Variants in PRKCG observed in about 807,000 individuals in gnomAD.
PRKCG encodes the protein protein kinase C gamma.
In PRKCG, 28 loss-of-function variants were observed where a neutral mutation model predicts 82.0. The ratio of observed to expected loss-of-function variants is 0.34; its 90% CI spans 0.25 to 0.47. The LOEUF is 0.47. Among genes scored for constraint, PRKCG ranks in the 20% least tolerant of loss-of-function variants. PRKCG has a pLI of 1.00. For missense variants in PRKCG, 640 were observed against 952.7 expected (o/e 0.67, Z 4.32); for synonymous variants, 383 against 376.6 (o/e 1.02, Z -0.20).
chr19:53,906,918 T>A lies in PRKCG; in HGVS notation c.*23T>A, dbSNP rs2068817571. On this transcript the variant is annotated 3_prime_UTR_variant, in exon 18 of 18. Transcript: ENST00000263431. The stretch of plus-strand genomic sequence containing the variant: ...TAATCTCACCCGCCGCCACTAGGTG[T>A]CCCCAACGTCCCCTCCGCCGTGCCG... The A allele has an allele frequency of 1.9e-6, 3 of 1,612,872 alleles. No homozygotes were observed. Among genetic ancestry groups the A allele is most frequent in the African/African-American group, 1.3e-5 (1 of 74,856 alleles).
intron 9 of PRKCG, among the ~76,000 whole-genome samples, chr19:53,894,499 A>T (rs1184851358): frequency 6.8e-6 from 1 of 146,076 alleles, no homozygotes; most frequent in African/African-American, 2.5e-5. Context: ...TCCTTTTGTC[A>T]CCCAGGTTGG....
At position 53,899,179 on chromosome 19, in the gene PRKCG, C is replaced by T. The variant is rs564871045; in HGVS notation, c.1281+551C>T. 7.3e-5 allele frequency among the ~76,000 whole-genome samples: 11 copies of T among 151,068 alleles called. No individual in the cohort carries two copies. In the East Asian group the frequency reaches 2.2e-3, roughly 30 times the overall value. ...GCGGTGAGTTCCTCGGTGGCATGGC[C>T]TGGCCAGGTGAATGGGTCCTGCGGA... is the stretch of plus-strand genomic sequence containing the variant. On this transcript the variant is annotated intron_variant, in intron 11 of 17. Coordinates refer to ENST00000263431, the MANE Select transcript of PRKCG (RefSeq NM_002739.5).
chr19:53,907,324 C>T lies in PRKCG; in HGVS notation c.*429C>T. Reference sequence around the variant, plus strand: ...GAACAGCCCTCGGCCTCCGAGGCTCCCCGCCTCCACTCTAGTTCTAGATGA... The same window carrying T: ...GAACAGCCCTCGGCCTCCGAGGCTCTCCGCCTCCACTCTAGTTCTAGATGA... On this transcript the variant is annotated 3_prime_UTR_variant, in exon 18 of 18. Coordinates refer to ENST00000263431, the MANE Select transcript of PRKCG (RefSeq NM_002739.5). 3.7e-6 allele frequency: 1 copy of T among 269,012 alleles called. No homozygotes were observed. Among genetic ancestry groups the T allele is most frequent in the South Asian group, 4.1e-5 (1 of 24,500 alleles). The allele number at this position is 269,012 out of a possible 1,614,324, so 16.7% of individuals were successfully genotyped here. A position where few individuals can be genotyped will look rare whatever the true frequency, so the allele number is the denominator to read the frequency against.
At chr19:53,901,667 T>C (rs1267755916) in intron 14 of PRKCG, among the ~76,000 whole-genome samples, 1 of 147,448 alleles carries the variant, frequency 6.8e-6, no homozygotes, top group Non-Finnish European at 1.5e-5. Flanking sequence ...CTGACTAACA[T>C]GGTGAAACTC....
intron 10 of PRKCG, 145 bp from the exon 11 acceptor site, chr19:53,898,294 GA>G: frequency 7.5e-7 from 1 of 1,327,020 alleles, no homozygotes. Flanking sequence ...TCCTTGAGGG[GA>G]CGGGCGGCAA....
Position 53,884,014 on chromosome 19 carries a change from C to T in PRKCG, c.203-147C>T, listed in dbSNP as rs2068613163. On this transcript the variant is annotated intron_variant, in intron 2 of 17. Transcript: ENST00000263431. This position sits in a 1 kb window ranked among gnomAD's most constrained non-coding sequence, Gnocchi z 4.6. ...CTCTCTCTGGCCTCCGATTTTCTCT[C>T]TGTTGGACTCTCTGTGTTGAGATCC... is the stretch of plus-strand genomic sequence containing the variant. 4 of 780,786 alleles carry T rather than the reference C, an allele frequency of 5.1e-6. No individual in the cohort carries two copies. The highest frequency in any genetic ancestry group is 8.8e-6 in the Non-Finnish European group (4 of 456,494). 48.4% of individuals were successfully genotyped at this position (780,786 alleles called of 1,614,324 possible). A position where few individuals can be genotyped will look rare whatever the true frequency, so the allele number is the denominator to read the frequency against.
At chr19:53,898,828 G>A (rs1477021143) in intron 11 of PRKCG, among the ~76,000 whole-genome samples, 200 bp downstream of exon 11, 1 of 123,656 alleles carries the variant, frequency 8.1e-6, no homozygotes, top group Non-Finnish European at 1.7e-5. Flanking sequence ...GGACTCATCG[G>A]GGGGCGTGGC....
At chr19:53,902,904 A>AC (rs1249802712) in intron 14 of PRKCG, among the ~76,000 whole-genome samples, 169 bp from the exon 15 acceptor site, 2 of 151,218 alleles carry the variant, frequency 1.3e-5, no homozygotes, top group East Asian at 1.9e-4. Flanking sequence ...AAAAAAAAAA[A>AC]AAAAAAAAAA....
Position 53,889,632 on chromosome 19 carries a change from C to T in PRKCG, c.286-6C>T. 2.5e-6 allele frequency: 4 copies of T among 1,613,550 alleles called. No individual in the cohort carries two copies. Among genetic ancestry groups the T allele is most frequent in the Non-Finnish European group, 3.4e-6 (4 of 1,179,538 alleles). ...CGCCCCCTAAGCCAGTCTTCTCTGC[C>T]CCCAGGACCCCCGGAACAAACACAA... On this transcript the variant is annotated splice_polypyrimidine_tract_variant and splice_region_variant and intron_variant, in intron 3 of 17. Transcript: ENST00000263431. The surrounding 1 kb of genome is among the most constrained non-coding windows in gnomAD (Gnocchi z 4.4).
Position 53,892,457 on chromosome 19 carries a change from G to A in PRKCG, c.687-52G>A, listed in dbSNP as rs112178319. 37 of 1,589,258 alleles carry A rather than the reference G, an allele frequency of 2.3e-5. No individual in the cohort carries two copies. The highest frequency in any genetic ancestry group is 1.7e-4 in the Middle Eastern group (1 of 5,960). Reference sequence around the variant, plus strand: ...CCTCCAGCACCAAGGATGGGGAACCGAGGGGAGCCATGAGCTCGGCTCTGC... The same window carrying A: ...CCTCCAGCACCAAGGATGGGGAACCAAGGGGAGCCATGAGCTCGGCTCTGC... On this transcript the variant is annotated intron_variant, in intron 6 of 17. Transcript: ENST00000263431. This position sits in a 1 kb window ranked among gnomAD's most constrained non-coding sequence, Gnocchi z 5.9.
At chr19:53,901,710 C>T (rs1238634023) in intron 14 of PRKCG, among the ~76,000 whole-genome samples, 4 of 150,554 alleles carry the variant, frequency 2.7e-5, no homozygotes, top group African/African-American at 7.3e-5. Context: ...ATTAGCCAGG[C>T]GTGGTGGCGG....
At chr19:53,905,692 C>T (rs955412070) in intron 16 of PRKCG, among the ~76,000 whole-genome samples, 2 of 134,318 alleles carry the variant, frequency 1.5e-5, no homozygotes, top group African/African-American at 2.9e-5. Context: ...CCTTCCCTCC[C>T]TCCCCCTACC....
upstream of PRKCG, among the ~76,000 whole-genome samples, chr19:53,881,118 A>AC (rs2068585209): frequency 5.5e-5 from 6 of 108,624 alleles, no homozygotes; most frequent in South Asian, 4.1e-4. Context: ...CAGGAGAGAG[A>AC]CCCCCCTAGC....
In PRKCG at chr19:53,903,062, A is replaced by C. The variant is rs1199584369; in HGVS notation, c.1576-11A>C. The C allele has an allele frequency of 1.2e-6, 2 of 1,610,648 alleles. No individual in the cohort carries two copies. Among genetic ancestry groups the C allele is most frequent in the African/African-American group, 2.7e-5 (2 of 74,814 alleles). On this transcript the variant is annotated splice_polypyrimidine_tract_variant and intron_variant, in intron 14 of 17. Coordinates refer to ENST00000263431, the MANE Select transcript of PRKCG (RefSeq NM_002739.5). ...AACGCATCATGATTCCCTGCCTTCC[A>C]CCTCCCCTAGATCATTGCCTACCAG... is the stretch of plus-strand genomic sequence containing the variant.
Position 53,900,444 on chromosome 19 carries a change from G to A in PRKCG, c.1399G>A (p.Gly467Ser), listed in dbSNP as rs1044351933. ...GTTCTACGCGGCAGAAATCGCTATC[G>A]GCCTCTTCTTCCTTCACAATCAGGG... is the stretch of plus-strand genomic sequence containing the variant. ...AAFYAAEIAI[G>S]LFFLHNQGII... Residue 467 changes from glycine (G) to serine (S), a missense_variant, in exon 13 of 18, where the codon GGC becomes AGC. This residue lies in a region of PRKCG where 78 missense variants were observed against 105.6 expected (regional missense o/e 0.74). Coordinates refer to ENST00000263431, the MANE Select transcript of PRKCG (RefSeq NM_002739.5). This position sits in a 1 kb window ranked among gnomAD's most constrained non-coding sequence, Gnocchi z 4.2. 13 of 1,614,104 alleles carry A rather than the reference G, an allele frequency of 8.1e-6. No homozygotes were observed. Among genetic ancestry groups the A allele is most frequent in the Non-Finnish European group, 1.1e-5 (13 of 1,180,036 alleles).
chr19:53,902,952 G>T (rs56832514), intron 14 of PRKCG, 121 bp from the exon 15 acceptor site: 2 of 602,176 alleles, frequency 3.3e-6, no homozygotes, highest in African/African-American at 2.1e-5. Context: ...TAAATATTCA[G>T]AGTGGGAAGA....
At position 53,882,226 on chromosome 19, in the gene PRKCG, C is replaced by A; in HGVS notation, c.-269C>A. 1 of 512,128 alleles carries A rather than the reference C, an allele frequency of 2.0e-6. No homozygotes were observed. Among genetic ancestry groups the A allele is most frequent in the South Asian group, 1.8e-5 (1 of 54,428 alleles). 31.7% of individuals were successfully genotyped at this position (512,128 alleles called of 1,614,324 possible). On this transcript the variant is annotated 5_prime_UTR_variant, in exon 1 of 18. Coordinates refer to ENST00000263431, the MANE Select transcript of PRKCG (RefSeq NM_002739.5). This position sits in a 1 kb window ranked among gnomAD's most constrained non-coding sequence, Gnocchi z 6.1. ...TTCAGCAGGTGCCGGAGCTGGAGCT[C>A]CCACCGCCGCCGCCCGTGCCTCCGG...
At chr19:53,898,770 AGGGGGCG>A (rs2068737039) in intron 11 of PRKCG, 142 bp downstream of exon 11, 1 of 17,286 alleles carries the variant, frequency 5.8e-5, no homozygotes, top group African/African-American at 2.6e-4. Context: ...TTGTCTCCTC[AGGGGGCG>A]TGGCCGGGGG....
chr19:53,886,425 C>T (rs1371536769), intron 3 of PRKCG, among the ~76,000 whole-genome samples: 6 of 150,632 alleles, frequency 4.0e-5, no homozygotes, highest in African/African-American at 1.5e-4. Flanking sequence ...TTTTTTGAGA[C>T]AGGGTCCCAC....
Sources: allele counts gnomAD v4.1 joint callset (sites outside exome capture counted in the v4.1 genomes callset), GRCh38; gene constraint gnomAD v4.1.1; regional missense constraint gnomAD v4.1.1; non-coding constraint Gnocchi (gnomAD v3.1); transcripts MANE v1.5; gene names NCBI Gene and HGNC (gene_info 2026-07-23, HGNC 2026-07-21).